Variants in NR5A2 observed in about 807,000 individuals in gnomAD.
NR5A2 encodes CYP7A promoter-binding factor.
In NR5A2, 26 loss-of-function variants were observed where a neutral mutation model predicts 62.7. The observed-to-expected ratio is 0.41, with a 90% CI of 0.30 to 0.58. The LOEUF (loss-of-function observed/expected upper bound fraction) is 0.58, where lower values mean the gene tolerates loss of function less well. Ranked by LOEUF, NR5A2 falls within the 20% of genes least tolerant of loss-of-function variation. The pLI is 0.22. For missense variants in NR5A2, 541 were observed against 669.1 expected, an observed-to-expected ratio of 0.81 and a Z score of 2.11; for synonymous variants, 246 against 241.7, an observed-to-expected ratio of 1.02 and a Z score of -0.16.
At chr1:200,063,518 G>A (rs977824152) in intron 5 of NR5A2, among the ~76,000 whole-genome samples, 16 of 152,252 alleles carry the variant, frequency 1.1e-4, no homozygotes, top group South Asian at 6.2e-4. Flanking sequence ...GTTATTGAAG[G>A]AGTTTTATTT....
intron 5 of NR5A2, among the ~76,000 whole-genome samples, chr1:200,109,240 G>T (rs1475811879): frequency 6.6e-6 from 1 of 152,154 alleles, no homozygotes; most frequent in African/African-American, 2.4e-5. Context: ...ATGTGCTGGG[G>T]GATGCCTTTT....
chr1:200,104,873 G>A (rs1261178794), intron 5 of NR5A2, among the ~76,000 whole-genome samples: 1 of 152,164 alleles, frequency 6.6e-6, no homozygotes, highest in African/African-American at 2.4e-5. Context: ...ATGTTGGCCA[G>A]GCTGGTCTCG....
intron 5 of NR5A2, among the ~76,000 whole-genome samples, chr1:200,093,247 A>G (rs1316333810): frequency 2.6e-5 from 4 of 152,078 alleles, no homozygotes; most frequent in Non-Finnish European, 5.9e-5. Context: ...GCTCAGTGCA[A>G]TCTTCAGGAC....
intron 7 of NR5A2, among the ~76,000 whole-genome samples, chr1:200,122,952 A>G (rs1666542958): frequency 6.6e-6 from 1 of 152,168 alleles, no homozygotes; most frequent in African/African-American, 2.4e-5. Context: ...TTTGAATTTC[A>G]CCTTTATTGA....
intron 5 of NR5A2, among the ~76,000 whole-genome samples, chr1:200,076,455 ATT>A (rs11430284): frequency 9.6e-5 from 14 of 146,264 alleles, no homozygotes; most frequent in Non-Finnish European, 9.1e-5. Context: ...ATGCCCAGGA[ATT>A]TTTTTTTTTT....
At chr1:200,167,613 C>T (rs1185039242) in intron 7 of NR5A2, among the ~76,000 whole-genome samples, 1 of 152,160 alleles carries the variant, frequency 6.6e-6, no homozygotes, top group Non-Finnish European at 1.5e-5. Context: ...TTCCTAAAAC[C>T]ATTCAGTGTT....
chr1:200,162,178 G>A (rs1653673360), intron 7 of NR5A2, among the ~76,000 whole-genome samples: 1 of 152,202 alleles, frequency 6.6e-6, no homozygotes, highest in Non-Finnish European at 1.5e-5. Flanking sequence ...TAATTAACAA[G>A]AGAGACATAT....
intron 5 of NR5A2, among the ~76,000 whole-genome samples, chr1:200,092,125 T>C (rs1238226677): frequency 6.6e-6 from 1 of 151,828 alleles, no homozygotes; most frequent in Non-Finnish European, 1.5e-5. Context: ...AGTGAAGCCA[T>C]TAGTAGGGTT....
At position 200,111,257 on chromosome 1, in the gene NR5A2, A is replaced by G; in HGVS notation, c.1166A>G (p.Asp389Gly). The G allele has an allele frequency of 6.2e-7, 1 of 1,613,334 alleles. No homozygotes were observed. The highest frequency in any genetic ancestry group is 1.1e-5 in the South Asian group (1 of 91,054). Reference sequence around the variant, plus strand: ...TGCTGGAGTGAGCTCTTAATCCTCGACCACATTTACCGACAAGTGGTACAT... The same window carrying G: ...TGCTGGAGTGAGCTCTTAATCCTCGGCCACATTTACCGACAAGTGGTACAT... ...QNCWSELLILDHIYRQVVHGK... is the reference protein window; with the variant it reads ...QNCWSELLILGHIYRQVVHGK... The change falls in exon 6 of 8, where the codon GAC (aspartate) becomes GGC (glycine). Residue 389 changes from aspartate (D) to glycine (G), a missense_variant. This residue lies in a region of NR5A2 where 379 missense variants were observed against 442.0 expected (regional missense o/e 0.86). Transcript: ENST00000367362.
chr1:200,050,784 AG>A (rs1170748225), intron 5 of NR5A2, among the ~76,000 whole-genome samples: 2 of 152,112 alleles, frequency 1.3e-5, no homozygotes, highest in East Asian at 1.9e-4. Context: ...CCCAGCTTCT[AG>A]GGAGGCTGAG....
chr1:200,120,974 A>T lies in NR5A2; in HGVS notation c.1378+19A>T. The T allele has an allele frequency of 6.2e-7, 1 of 1,613,524 alleles. No individual in the cohort carries two copies. ...AGTTTAGGTAAGAAATCCTTTTCTC[A>T]TGCTGTGCTCAACCAACGATTGCTA... On this transcript the variant is annotated intron_variant, in intron 7 of 7. Coordinates refer to ENST00000367362, the MANE Select transcript of NR5A2 (RefSeq NM_205860.3).
intron 5 of NR5A2, among the ~76,000 whole-genome samples, chr1:200,053,099 G>T (rs1383714802): frequency 6.6e-6 from 1 of 151,900 alleles, no homozygotes; most frequent in Non-Finnish European, 1.5e-5. Context: ...AAGGTATTCT[G>T]GTTTTCATTC....
intron 7 of NR5A2, among the ~76,000 whole-genome samples, chr1:200,156,756 T>C (rs1354598871): frequency 1.3e-5 from 2 of 152,238 alleles, no homozygotes; most frequent in South Asian, 2.1e-4. Flanking sequence ...CTCAACACTT[T>C]ATTATAAAAT....
chr1:200,043,335 C>A (rs978744788), intron 2 of NR5A2, among the ~76,000 whole-genome samples: 1 of 152,224 alleles, frequency 6.6e-6, no homozygotes, highest in Non-Finnish European at 1.5e-5. Flanking sequence ...AAGCAAGGTG[C>A]ACTTGCAGCA....
chr1:200,061,214 A>G (rs541468766), intron 5 of NR5A2, among the ~76,000 whole-genome samples: 1 of 150,714 alleles, frequency 6.6e-6, no homozygotes, highest in East Asian at 2.0e-4. Context: ...ACAGAAAACC[A>G]CATTATTTTG....
At chr1:200,087,655 A>G (rs1270964133) in intron 5 of NR5A2, among the ~76,000 whole-genome samples, 1 of 152,100 alleles carries the variant, frequency 6.6e-6, no homozygotes, top group Non-Finnish European at 1.5e-5. Flanking sequence ...TCGGCCTCTC[A>G]AAGTGCTGGG....
In NR5A2 at chr1:200,136,417, C is replaced by T. The variant is rs190177760; in HGVS notation, c.1378+15462C>T. ...ATTAAAAAACAATACTCAGTATGTT[C>T]GATTATAATAGCTACATCTTATTGT... On this transcript the variant is annotated intron_variant, in intron 7 of 7. Coordinates refer to ENST00000367362, the MANE Select transcript of NR5A2 (RefSeq NM_205860.3). Among the ~76,000 whole-genome samples, 516 of 152,282 alleles carry T rather than the reference C, an allele frequency of 3.4e-3. 3 individuals are homozygous for T. The highest frequency in any genetic ancestry group is 0.01 in the Middle Eastern group (3 of 294).
At chr1:200,160,934 G>T (rs1420016644) in intron 7 of NR5A2, among the ~76,000 whole-genome samples, 2 of 151,038 alleles carry the variant, frequency 1.3e-5, no homozygotes, top group African/African-American at 4.9e-5. Context: ...TTTCTGAATG[G>T]AAATCAAATA....
In NR5A2 at chr1:200,048,264, A is replaced by C. The variant is rs756624487; in HGVS notation, c.556A>C (p.Ile186Leu). 6.2e-7 allele frequency: 1 copy of C among 1,614,068 alleles called. No homozygotes were observed. The highest frequency in any genetic ancestry group is 8.5e-7 in the Non-Finnish European group (1 of 1,180,026). Residue 186 changes from isoleucine (I) to leucine (L), a missense_variant, in exon 5 of 8, where the codon ATC becomes CTC. Physicochemically the swap from Ile to Leu is conservative, Grantham distance 5. This residue lies in a region of NR5A2 where 379 missense variants were observed against 442.0 expected (regional missense o/e 0.86). Coordinates refer to ENST00000367362, the MANE Select transcript of NR5A2 (RefSeq NM_205860.3). This position sits in a 1 kb window ranked among gnomAD's most constrained non-coding sequence, Gnocchi z 4.8. ...CCTGAAGCAACAGAAAAAAGCCCTC[A>C]TCCGAGCCAATGGACTTAAGCTAGA... ...RALKQQKKAL[I>L]RANGLKLEAM...
Sources: allele counts gnomAD v4.1 joint callset (sites outside exome capture counted in the v4.1 genomes callset), GRCh38; gene constraint gnomAD v4.1.1; regional missense constraint gnomAD v4.1.1; non-coding constraint Gnocchi (gnomAD v3.1); transcripts MANE v1.5; gene names NCBI Gene and HGNC (gene_info 2026-07-23, HGNC 2026-07-21).